Variants in VMAC observed in about 807,000 individuals in gnomAD.
VMAC encodes the protein vimentin-type intermediate filament-associated coiled-coil protein.
In VMAC, 8 loss-of-function variants were observed where a neutral mutation model predicts 4.8. That is an observed-to-expected ratio of 1.68 (90% CI 0.99 to 3.03). The LOEUF (loss-of-function observed/expected upper bound fraction) is 3.03, where lower values mean the gene tolerates loss of function less well. VMAC is among the 30% of genes most tolerant of loss of function. The pLI is 0.00. For synonymous variants in VMAC, 96 were observed against 113.7 expected (o/e 0.84, Z 0.99); for missense variants, 248 against 245.1 (o/e 1.01, Z -0.08).
In VMAC at chr19:5,908,474, GGC is replaced by G. The variant is rs2057686561; in HGVS notation, c.192-349_192-348del. On this transcript the variant is annotated intron_variant, in intron 1 of 1. Transcript: ENST00000339485. The surrounding 1 kb of genome is among the most constrained non-coding windows in gnomAD (Gnocchi z 4.5). ...TACTGAAGATACAAAAAACTAGCCGGGCATAGTGGTGGGCACCTGTAATCCCA... is the reference window on the plus strand; with the variant it reads ...TACTGAAGATACAAAAAACTAGCCGGATAGTGGTGGGCACCTGTAATCCCA... Among the ~76,000 whole-genome samples, 1 of 152,036 alleles carries G rather than the reference GGC, an allele frequency of 6.6e-6. No individual in the cohort carries two copies. Among genetic ancestry groups the G allele is most frequent in the Non-Finnish European group, 1.5e-5 (1 of 68,018 alleles).
Position 5,908,628 on chromosome 19 carries a change from T to TAA in VMAC, c.192-195_192-194dup, listed in dbSNP as rs2057687200. 8.1e-6 allele frequency among the ~76,000 whole-genome samples: 1 copy of TAA among 124,182 alleles called. No individual in the cohort carries two copies. The highest frequency in any genetic ancestry group is 1.7e-5 in the Non-Finnish European group (1 of 58,882). 81.5% of individuals were successfully genotyped at this position (124,182 alleles called of 152,430 possible). ...TAGACTTCGTCTCAAAAAAAAATAATAATAAAATAAAATATAATAATAATA... is the reference window on the plus strand; with the variant it reads ...TAGACTTCGTCTCAAAAAAAAATAATAAAATAAAATAAAATATAATAATAATA... On this transcript the variant is annotated intron_variant, in intron 1 of 1. Transcript: ENST00000339485. This position sits in a 1 kb window ranked among gnomAD's most constrained non-coding sequence, Gnocchi z 4.5.
chr19:5,907,628 A>AAAAAAAAAAAAAAAAAAAAAAAAC, intron 1 of VMAC, among the ~76,000 whole-genome samples: 1 of 141,022 alleles, frequency 7.1e-6, no homozygotes, highest in South Asian at 2.3e-4. Flanking sequence ...AAAAAAAAAA[A>AAAAAAAAAAAAAAAAAAAAAAAAC]AAAAAAAATT....
Position 5,908,065 on chromosome 19 carries a change from C to G in VMAC, c.192-759C>G, listed in dbSNP as rs181594519. ...GGGAGACAGAAAGATGCAGTTCAGG[C>G]TGGGTACAGTGGCTCAGCCTGTAAT... On this transcript the variant is annotated intron_variant, in intron 1 of 1. Transcript: ENST00000339485. The surrounding 1 kb of genome is among the most constrained non-coding windows in gnomAD (Gnocchi z 4.5). 3.3e-3 allele frequency among the ~76,000 whole-genome samples: 498 copies of G among 152,332 alleles called. No individual in the cohort carries two copies. The highest frequency in any genetic ancestry group is 6.0e-3 in the Non-Finnish European group (411 of 68,036).
chr19:5,907,635 A>AAAAAAAAAAAAAAAAAAAAAAAAAC (rs1568435296), intron 1 of VMAC, among the ~76,000 whole-genome samples: 1 of 142,974 alleles, frequency 7.0e-6, no homozygotes, highest in African/African-American at 2.6e-5. Flanking sequence ...AAAAAAAAAA[A>AAAAAAAAAAAAAAAAAAAAAAAAAC]ATTAGCTGGG....
chr19:5,905,009 A>T lies in VMAC; in HGVS notation c.119A>T (p.Gln40Leu). 3 of 1,431,570 alleles carry T rather than the reference A, an allele frequency of 2.1e-6. No individual in the cohort carries two copies. Among genetic ancestry groups the T allele is most frequent in the Non-Finnish European group, 2.7e-6 (3 of 1,102,672 alleles). 88.7% of individuals were successfully genotyped at this position (1,431,570 alleles called of 1,614,324 possible). Residue 40 changes from glutamine (Q) to leucine (L), a missense_variant, in exon 1 of 2, where the codon CAA becomes CTA. Physicochemically the swap from Gln to Leu is moderately radical, Grantham distance 113. Coordinates refer to ENST00000339485, the MANE Select transcript of VMAC (RefSeq NM_001017921.4). ...GCGGCGGAGCGCACGGTGCACGCCC[A>T]AGCCGAGCGCCTGGCCCTCCACGAC... ...LDAAERTVHA[Q>L]AERLALHDQQ... is the part of the protein sequence containing the mutation.
At chr19:5,905,266 A>G (rs2057674433) in intron 1 of VMAC, among the ~76,000 whole-genome samples, 185 bp downstream of exon 1, 2 of 152,214 alleles carry the variant, frequency 1.3e-5, no homozygotes, top group African/African-American at 4.8e-5. Context: ...GCGAGAAGTG[A>G]CACAGGTGTG....
rs938449760 is a variant in VMAC, at chr19:5,910,247, G to T, written c.*1105G>T. 1 of 152,268 alleles carries T rather than the reference G, an allele frequency of 6.6e-6. No individual in the cohort carries two copies. Among genetic ancestry groups the T allele is most frequent in the Non-Finnish European group, 1.5e-5 (1 of 68,074 alleles). 9.4% of individuals were successfully genotyped at this position (152,268 alleles called of 1,614,324 possible). A position where few individuals can be genotyped will look rare whatever the true frequency, so the allele number is the denominator to read the frequency against. The stretch of plus-strand genomic sequence containing the variant: ...TAAACCGGATGATTTCCTGGCCTGG[G>T]GGCAAGAGGGAGGCCCTCTGTGTTA... On this transcript the variant is annotated 3_prime_UTR_variant, in exon 2 of 2. Coordinates refer to ENST00000339485, the MANE Select transcript of VMAC (RefSeq NM_001017921.4).
rs1326966550 is a variant in VMAC, at chr19:5,910,260, G to A, written c.*1118G>A. 1 of 152,236 alleles carries A rather than the reference G, an allele frequency of 6.6e-6. No homozygotes were observed. Among genetic ancestry groups the A allele is most frequent in the Admixed American group, 6.5e-5 (1 of 15,284 alleles). The allele number at this position is 152,236 out of a possible 1,614,324, so 9.4% of individuals were successfully genotyped here. On this transcript the variant is annotated 3_prime_UTR_variant, in exon 2 of 2. Coordinates refer to ENST00000339485, the MANE Select transcript of VMAC (RefSeq NM_001017921.4). The stretch of plus-strand genomic sequence containing the variant: ...TTCCTGGCCTGGGGGCAAGAGGGAG[G>A]CCCTCTGTGTTATTTGTGCCTCCTG...
Position 5,904,879 on chromosome 19 carries a change from G to A in VMAC, c.-12G>A, listed in dbSNP as rs1342487542. The A allele has an allele frequency of 4.8e-6, 7 of 1,462,718 alleles. No homozygotes were observed. The highest frequency in any genetic ancestry group is 1.5e-5 in the African/African-American group (1 of 67,658). 90.6% of individuals were successfully genotyped at this position (1,462,718 alleles called of 1,614,324 possible). A position where few individuals can be genotyped will look rare whatever the true frequency, so the allele number is the denominator to read the frequency against. ...CTGGGGGCGTGGCCGGGCCTGTACAGCAGCCTGGGCCATGTCGGCGCCGCC... is the reference window on the plus strand; with the variant it reads ...CTGGGGGCGTGGCCGGGCCTGTACAACAGCCTGGGCCATGTCGGCGCCGCC... On this transcript the variant is annotated 5_prime_UTR_variant, in exon 1 of 2. Coordinates refer to ENST00000339485, the MANE Select transcript of VMAC (RefSeq NM_001017921.4).
Position 5,904,928 on chromosome 19 carries a change from A to G in VMAC, c.38A>G (p.Asn13Ser), listed in dbSNP as rs2057672341. ...APPALQIREA[N>S]AHLAAVHRRA... is the part of the protein sequence containing the mutation. ...CCGGCCCTGCAGATCCGGGAGGCAA[A>G]CGCACACCTGGCAGCCGTGCACCGG... Residue 13 changes from asparagine (N) to serine (S), a missense_variant, in exon 1 of 2, where the codon AAC (asparagine) becomes AGC (serine). Asn to Ser is a conservative substitution (Grantham distance 46). Coordinates refer to ENST00000339485, the MANE Select transcript of VMAC (RefSeq NM_001017921.4). 1.3e-6 allele frequency: 2 copies of G among 1,491,350 alleles called. No homozygotes were observed. Among genetic ancestry groups the G allele is most frequent in the Non-Finnish European group, 8.8e-7 (1 of 1,131,150 alleles). The allele number at this position is 1,491,350 out of a possible 1,614,324, so 92.4% of individuals were successfully genotyped here.
At position 5,905,005 on chromosome 19, in the gene VMAC, GCC is replaced by G. The variant is rs2057672950; in HGVS notation, c.117_118del (p.Gln40SerfsTer25). 1.4e-6 allele frequency: 2 copies of G among 1,436,872 alleles called. No individual in the cohort carries two copies. 89.0% of individuals were successfully genotyped at this position (1,436,872 alleles called of 1,614,324 possible). Reference protein sequence around the residue: ...RLDAAERTVHAQAERLALHDQ... With the variant: ...RLDAAERTVHXQAERLALHDQ... The stretch of plus-strand genomic sequence containing the variant: ...GGACGCGGCGGAGCGCACGGTGCAC[GCC>G]CAAGCCGAGCGCCTGGCCCTCCACG... On this transcript the variant is annotated frameshift_variant, in exon 1 of 2. Coordinates refer to ENST00000339485, the MANE Select transcript of VMAC (RefSeq NM_001017921.4). LOFTEE classifies it high-confidence loss of function.
At chr19:5,905,151 C>T (rs1568434597) in intron 1 of VMAC, 70 bp downstream of exon 1, 6 of 1,319,124 alleles carry the variant, frequency 4.5e-6, no homozygotes, top group Non-Finnish European at 5.8e-6. Flanking sequence ...GGCTGGAAAG[C>T]GAGGAAGGGC....
chr19:5,910,285 G>T lies in VMAC; in HGVS notation c.*1143G>T, dbSNP rs1021219800. On this transcript the variant is annotated 3_prime_UTR_variant, in exon 2 of 2. Transcript: ENST00000339485. The stretch of plus-strand genomic sequence containing the variant: ...GCCCTCTGTGTTATTTGTGCCTCCT[G>T]GTAGGGTCCTGCTGGGCCAGGTAGA... 2.6e-5 allele frequency: 4 copies of T among 152,290 alleles called. No individual in the cohort carries two copies. Among genetic ancestry groups the T allele is most frequent in the Non-Finnish European group, 4.4e-5 (3 of 68,070 alleles). The allele number at this position is 152,290 out of a possible 1,614,324, so 9.4% of individuals were successfully genotyped here.
intron 1 of VMAC, among the ~76,000 whole-genome samples, chr19:5,906,204 A>G (rs1200986168): frequency 6.6e-6 from 1 of 152,032 alleles, no homozygotes; most frequent in Non-Finnish European, 1.5e-5. Context: ...TCCTGGGCTC[A>G]AGTGATCCTC....
At chr19:5,907,610 TAAAAAAAA>T (rs771762988) in intron 1 of VMAC, among the ~76,000 whole-genome samples, 8 of 18,692 alleles carry the variant, frequency 4.3e-4, no homozygotes, top group Admixed American at 1.1e-3. Flanking sequence ...CTGTCTCTAC[TAAAAAAAA>T]AAAAAAAAAA....
chr19:5,909,325 G>A lies in VMAC; in HGVS notation c.*183G>A. On this transcript the variant is annotated 3_prime_UTR_variant, in exon 2 of 2. Coordinates refer to ENST00000339485, the MANE Select transcript of VMAC (RefSeq NM_001017921.4). ...AGGCCAGGTGCAGACGTTTAACCCAGACAGAAGTGTTCTTGTTTGTTTTTA... is the reference window on the plus strand; with the variant it reads ...AGGCCAGGTGCAGACGTTTAACCCAAACAGAAGTGTTCTTGTTTGTTTTTA... The A allele has an allele frequency of 1.7e-6, 1 of 587,930 alleles. No individual in the cohort carries two copies. Among genetic ancestry groups the A allele is most frequent in the South Asian group, 2.5e-5 (1 of 39,358 alleles). 36.4% of individuals were successfully genotyped at this position (587,930 alleles called of 1,614,324 possible).
chr19:5,905,746 G>A (rs1599700761), intron 1 of VMAC, among the ~76,000 whole-genome samples: 1 of 151,884 alleles, frequency 6.6e-6, no homozygotes, highest in African/African-American at 2.4e-5. Flanking sequence ...TTGAGGCAGG[G>A]CCTCACTCCT....
rs771762988 is a variant in VMAC at position 5,907,610 on chromosome 19, TAAAA to T, written c.192-1191_192-1188del. Among the ~76,000 whole-genome samples, 123 of 18,690 alleles carry T rather than the reference TAAAA, an allele frequency of 6.6e-3. 15 individuals carry two copies. The highest frequency in any genetic ancestry group is 0.02 in the East Asian group (11 of 564). 12.3% of individuals were successfully genotyped at this position (18,690 alleles called of 152,430 possible). ...CAACATGGTGAAACCCTGTCTCTACTAAAAAAAAAAAAAAAAAAAAAAAAAATTA... is the reference window on the plus strand; with the variant it reads ...CAACATGGTGAAACCCTGTCTCTACTAAAAAAAAAAAAAAAAAAAAAATTA... On this transcript the variant is annotated intron_variant, in intron 1 of 1. Coordinates refer to ENST00000339485, the MANE Select transcript of VMAC (RefSeq NM_001017921.4).
In VMAC at chr19:5,908,939, C is replaced by G. The variant is rs1054599093; in HGVS notation, c.307C>G (p.Leu103Val). 6.2e-7 allele frequency: 1 copy of G among 1,613,678 alleles called. No homozygotes were observed. Among genetic ancestry groups the G allele is most frequent in the Admixed American group, 1.7e-5 (1 of 60,022 alleles). ...LIRQLQPRAE[L>V]LQDICRRRPP... is the part of the protein sequence containing the mutation. ...TAGGCAGTTGCAGCCCCGGGCTGAGCTGCTGCAGGACATCTGCCGCCGCCG... is the reference window on the plus strand; with the variant it reads ...TAGGCAGTTGCAGCCCCGGGCTGAGGTGCTGCAGGACATCTGCCGCCGCCG... The change falls in exon 2 of 2, where the codon CTG becomes GTG. Residue 103 changes from leucine (L) to valine (V), a missense_variant. Leu to Val is a conservative substitution (Grantham distance 32, BLOSUM62 1). Transcript: ENST00000339485. This position sits in a 1 kb window ranked among gnomAD's most constrained non-coding sequence, Gnocchi z 4.5.
Sources: allele counts gnomAD v4.1 joint callset (sites outside exome capture counted in the v4.1 genomes callset), GRCh38; gene constraint gnomAD v4.1.1; non-coding constraint Gnocchi (gnomAD v3.1); transcripts MANE v1.5; gene names NCBI Gene and HGNC (gene_info 2026-07-23, HGNC 2026-07-21).